Variants in ZMYND19 observed in about 807,000 individuals in gnomAD.
ZMYND19 encodes zinc finger MYND-type containing 19, also known as zinc finger MYND domain-containing protein 19.
In ZMYND19, 17 loss-of-function variants were observed where a neutral mutation model predicts 32.0. The ratio of observed to expected loss-of-function variants is 0.53; its 90% CI spans 0.36 to 0.80. The LOEUF is 0.80. ZMYND19 is among the 30% of genes least tolerant of loss of function. The probability of loss-of-function intolerance (pLI) is 0.00; values close to 1 mark genes in which losing one functional copy is unlikely to be tolerated. For synonymous variants in ZMYND19, 124 were observed against 113.6 expected (o/e 1.09, Z -0.58); for missense variants, 250 against 293.6 (o/e 0.85, Z 1.09).
rs750569449 is a variant in ZMYND19, at chr9:137,583,009, G to A, written c.514C>T (p.Pro172Ser). ...NSCTYYECHYPPCTVIEKQLR... is the reference protein window; with the variant it reads ...NSCTYYECHYSPCTVIEKQLR... ...TGCTTCTCAATCACTGTGCAGGGAG[G>A]GTAGTGGCACTCATAGTAGGTGCAA... The change falls in exon 5 of 6, where the codon CCT becomes TCT. Residue 172 changes from proline to serine, a missense_variant. By Grantham distance (74) the Pro-to-Ser change is moderately conservative. Coordinates refer to ENST00000298585, the MANE Select transcript of ZMYND19 (RefSeq NM_138462.3). 2.5e-6 allele frequency: 4 copies of A among 1,614,062 alleles called. No individual in the cohort carries two copies. Among genetic ancestry groups the A allele is most frequent in the East Asian group, 2.2e-5 (1 of 44,892 alleles).
At chr9:137,585,912 G>A (rs545758981) in intron 4 of ZMYND19, among the ~76,000 whole-genome samples, 1 of 152,394 alleles carries the variant, frequency 6.6e-6, no homozygotes, top group East Asian at 1.9e-4. Flanking sequence ...GCTGCCCAGA[G>A]GCTTGAGGAC....
chr9:137,582,954 G>A (rs1842163960), intron 5 of ZMYND19, 29 bp downstream of exon 5: 9 of 1,610,296 alleles, frequency 5.6e-6, no homozygotes, highest in Non-Finnish European at 5.1e-6. Context: ...AGAGGTGCCA[G>A]GGACGCGACC....
At chr9:137,587,884 T>C in intron 2 of ZMYND19, 61 bp from the exon 3 acceptor site, 1 of 1,519,530 alleles carries the variant, frequency 6.6e-7, no homozygotes, top group South Asian at 1.1e-5. Flanking sequence ...ACACTTCAAT[T>C]CCCTCTTAGA....
chr9:137,584,733 A>G (rs1049174598), intron 4 of ZMYND19, among the ~76,000 whole-genome samples: 5 of 152,072 alleles, frequency 3.3e-5, no homozygotes, highest in African/African-American at 1.2e-4. Flanking sequence ...AAGTGATTCT[A>G]AGCAAGCTAA....
chr9:137,587,438 G>T, intron 3 of ZMYND19: 3 of 517,446 alleles, frequency 5.8e-6, no homozygotes, highest in South Asian at 2.2e-5. Context: ...ATGCACACCG[G>T]GGGGGCTCGG....
chr9:137,584,963 G>C (rs747124600), intron 4 of ZMYND19, among the ~76,000 whole-genome samples: 8 of 152,154 alleles, frequency 5.3e-5, no homozygotes, highest in African/African-American at 9.7e-5. Context: ...TCTGTTTCTT[G>C]CAACCCAAAG....
intron 1 of ZMYND19, chr9:137,589,956 C>T: frequency 4.1e-6 from 4 of 985,330 alleles, no homozygotes; most frequent in Non-Finnish European, 4.8e-6. Flanking sequence ...AGGGCCGTGG[C>T]CTCCACCTCC....
At chr9:137,588,796 C>A (rs1457237580) in intron 1 of ZMYND19, 78 bp from the exon 2 acceptor site, 2 of 1,549,262 alleles carry the variant, frequency 1.3e-6, no homozygotes. Flanking sequence ...CCAGAACAGG[C>A]AGGAGCCTGT....
At chr9:137,587,431 C>T (rs1842218070) in intron 3 of ZMYND19, 5 of 575,862 alleles carry the variant, frequency 8.7e-6, no homozygotes, top group African/African-American at 4.5e-5. Context: ...CCCTACCATG[C>T]ACACCGGGGG....
At chr9:137,588,587 G>A in intron 2 of ZMYND19, 72 bp downstream of exon 2, 5 of 1,549,994 alleles carry the variant, frequency 3.2e-6, no homozygotes, top group Non-Finnish European at 4.5e-6. Context: ...ACAGGGGAGA[G>A]AGCTCGTTCC....
Position 137,590,071 on chromosome 9 carries a change from C to A in ZMYND19, c.51+142G>T, listed in dbSNP as rs1842254953. 4.1e-6 allele frequency: 4 copies of A among 983,578 alleles called. No homozygotes were observed. Among genetic ancestry groups the A allele is most frequent in the Non-Finnish European group, 2.4e-6 (2 of 829,200 alleles). 60.9% of individuals were successfully genotyped at this position (983,578 alleles called of 1,614,324 possible). ...ACCCGCGCGGGGCCAGCAGCCGGGC[C>A]CGCGCAGCGTCCCCCGCCCCGCTGG... is the stretch of plus-strand genomic sequence containing the variant. On this transcript the variant is annotated intron_variant, in intron 1 of 5. Transcript: ENST00000298585. The surrounding 1 kb of genome is among the most constrained non-coding windows in gnomAD (Gnocchi z 4.2).
chr9:137,582,823 C>G (rs1040025908), intron 5 of ZMYND19, 137 bp from the exon 6 acceptor site: 6 of 1,508,850 alleles, frequency 4.0e-6, no homozygotes, highest in African/African-American at 1.4e-5. Flanking sequence ...CCTGGTCAGG[C>G]CAGCACAAGG....
intron 1 of ZMYND19, chr9:137,589,200 G>T: frequency 3.2e-6 from 1 of 312,422 alleles, no homozygotes; most frequent in Non-Finnish European, 4.7e-6. Flanking sequence ...TGTAAGGGAT[G>T]ACAATGCCAT....
intron 4 of ZMYND19, 152 bp downstream of exon 4, chr9:137,586,815 C>A: frequency 1.9e-6 from 2 of 1,068,220 alleles, no homozygotes; most frequent in South Asian, 1.6e-5. Context: ...GAGGATTCCA[C>A]GCTTTGGGGA....
intron 4 of ZMYND19, among the ~76,000 whole-genome samples, chr9:137,586,523 T>C (rs35815951): frequency 6.5e-4 from 93 of 142,062 alleles, no homozygotes; most frequent in African/African-American, 1.8e-3. Flanking sequence ...GAAGGAATCC[T>C]GAGGTGAGAG....
At chr9:137,588,546 G>T (rs1842232886) in intron 2 of ZMYND19, 113 bp downstream of exon 2, 1 of 1,209,130 alleles carries the variant, frequency 8.3e-7, no homozygotes. Flanking sequence ...AGCACCAGTT[G>T]TCCACTTGTG....
intron 4 of ZMYND19, among the ~76,000 whole-genome samples, chr9:137,586,398 G>A (rs146905298): frequency 6.6e-6 from 1 of 151,432 alleles, no homozygotes; most frequent in Non-Finnish European, 1.5e-5. Flanking sequence ...GAATCCTGAG[G>A]TGAGGAGAGA....
chr9:137,589,341 G>A (rs1264342146), intron 1 of ZMYND19: 2 of 985,300 alleles, frequency 2.0e-6, no homozygotes, highest in Admixed American at 6.1e-5. Context: ...AACAGGAACA[G>A]GTCCCAGAAC....
intron 4 of ZMYND19, among the ~76,000 whole-genome samples, chr9:137,584,153 C>T (rs1425000061): frequency 1.3e-5 from 2 of 152,262 alleles, no homozygotes; most frequent in African/African-American, 2.4e-5. Context: ...GACTTCTGCT[C>T]GGGGCCTGGG....
Sources: gnomAD v4.1 joint callset for allele counts (sites outside exome capture counted in the v4.1 genomes callset) on GRCh38, gnomAD v4.1.1 for gene constraint, Gnocchi (gnomAD v3.1) non-coding constraint, MANE v1.5 for transcripts, NCBI Gene and HGNC (gene_info 2026-07-23, HGNC 2026-07-21) for gene names.